The following NUDCD3 variants were observed in gnomAD, a reference collection of about 807,000 sequenced individuals.
The protein encoded by NUDCD3 is NudC domain containing 3.
In NUDCD3, 13 loss-of-function variants were observed where a neutral mutation model predicts 39.7. That is an observed-to-expected ratio of 0.33 (90% CI 0.21 to 0.52). NUDCD3 has a LOEUF of 0.52. Among genes scored for constraint, NUDCD3 ranks in the 20% least tolerant of loss-of-function variants. The pLI is 0.96. For missense variants in NUDCD3, 453 were observed against 458.1 expected (o/e 0.99, Z 0.10); for synonymous variants, 175 against 172.4 (o/e 1.02, Z -0.12).
At chr7:44,442,743 C>T (rs1219252978) in intron 2 of NUDCD3, among the ~76,000 whole-genome samples, 70 of 149,954 alleles carry the variant, frequency 4.7e-4, no homozygotes, top group Admixed American at 4.6e-3. Flanking sequence ...TGGCCCAGGC[C>T]GGACTGCAGT....
intron 1 of NUDCD3, among the ~76,000 whole-genome samples, chr7:44,488,150 C>G (rs561975484): frequency 7.7e-4 from 117 of 151,756 alleles, no homozygotes; most frequent in Non-Finnish European, 8.4e-4. Context: ...GTCTCGCCAA[C>G]ATGATGAAAC....
In NUDCD3 at chr7:44,467,564, T is replaced by G. The variant is rs1377762051; in HGVS notation, c.509+17404A>C. 2.6e-5 allele frequency among the ~76,000 whole-genome samples: 4 copies of G among 151,858 alleles called. 1 individual carries two copies. The highest frequency in any genetic ancestry group is 1.3e-4 in the Admixed American group (2 of 15,252). On this transcript the variant is annotated intron_variant, in intron 2 of 5. Transcript: ENST00000355451. ...TGGAGCTCTTTGATCAAGGGGCAGG[T>G]CAGAGATCAAGGTCCCCATTGAGGC...
intron 2 of NUDCD3, chr7:44,467,996 A>T (rs779065964): frequency 8.7e-6 from 14 of 1,612,682 alleles, no homozygotes; most frequent in Non-Finnish European, 1.1e-5. Flanking sequence ...AATTAAGCGT[A>T]ACTGGCGGAA....
At chr7:44,429,782 T>C (rs1206174020) in intron 2 of NUDCD3, among the ~76,000 whole-genome samples, 2 of 152,008 alleles carry the variant, frequency 1.3e-5, no homozygotes, top group African/African-American at 2.4e-5. Flanking sequence ...AGGAGTTACA[T>C]AGGATTCCTG....
At chr7:44,428,828 G>A (rs1490305210) in intron 2 of NUDCD3, among the ~76,000 whole-genome samples, 1 of 152,212 alleles carries the variant, frequency 6.6e-6, no homozygotes, top group East Asian at 1.9e-4. Context: ...CCTAGTCATG[G>A]AGAAGGCAGC....
intron 2 of NUDCD3, among the ~76,000 whole-genome samples, chr7:44,449,629 A>G (rs554763408): frequency 7.0e-4 from 107 of 152,348 alleles, no homozygotes; most frequent in Non-Finnish European, 1.4e-3. Flanking sequence ...AAAGTATAGT[A>G]CTTTCAACAA....
chr7:44,476,404 T>C (rs924673656), intron 2 of NUDCD3, among the ~76,000 whole-genome samples: 1 of 152,122 alleles, frequency 6.6e-6, no homozygotes, highest in African/African-American at 2.4e-5. Context: ...GACGATTAGG[T>C]CATAAGGGCA....
chr7:44,462,464 T>G (rs1800033661), intron 2 of NUDCD3, among the ~76,000 whole-genome samples: 1 of 152,228 alleles, frequency 6.6e-6, no homozygotes, highest in African/African-American at 2.4e-5. Context: ...CAGAAAATGT[T>G]CCTAAATAGG....
At chr7:44,408,589 G>A (rs1798869998) in intron 3 of NUDCD3, among the ~76,000 whole-genome samples, 1 of 152,166 alleles carries the variant, frequency 6.6e-6, no homozygotes, top group African/African-American at 2.4e-5. Context: ...GGTTACTACA[G>A]GCCTCCAAAA....
intron 2 of NUDCD3, among the ~76,000 whole-genome samples, chr7:44,447,176 C>T (rs1215435035): frequency 6.6e-6 from 1 of 152,216 alleles, no homozygotes; most frequent in Non-Finnish European, 1.5e-5. Flanking sequence ...TTATTGAAGT[C>T]CCATCTCAGC....
chr7:44,488,724 T>C (rs1800669702), intron 1 of NUDCD3, among the ~76,000 whole-genome samples: 1 of 152,190 alleles, frequency 6.6e-6, no homozygotes, highest in Non-Finnish European at 1.5e-5. Context: ...CCTTGGATCA[T>C]CTTTGACCCA....
At chr7:44,438,438 T>C (rs1411310233) in intron 2 of NUDCD3, among the ~76,000 whole-genome samples, 4 of 152,188 alleles carry the variant, frequency 2.6e-5, no homozygotes, top group Admixed American at 2.6e-4. Flanking sequence ...TTTTCAGAAG[T>C]AGAGAAAACT....
chr7:44,490,485 T>C lies in NUDCD3; in HGVS notation c.116A>G (p.Asp39Gly), dbSNP rs759547552. The C allele has an allele frequency of 2.5e-6, 4 of 1,607,348 alleles. No individual in the cohort carries two copies. The highest frequency in any genetic ancestry group is 2.5e-6 in the Non-Finnish European group (3 of 1,177,638). ...VLFGFLYRKTDFYRLLRHPSD... is the reference protein window; with the variant it reads ...VLFGFLYRKTGFYRLLRHPSD... ...TGGGTGGCGCAGCAAGCGATAGAAG[T>C]CTGTCTTGCGGTAGAGGAAGCCAAA... Residue 39 changes from aspartate (D) to glycine (G), a missense_variant, in exon 1 of 6, where the codon GAC becomes GGC. By Grantham distance (94) the Asp-to-Gly change is moderately conservative. Transcript: ENST00000355451.
At chr7:44,389,506 G>A (rs888561157) in intron 5 of NUDCD3, among the ~76,000 whole-genome samples, 23 of 152,198 alleles carry the variant, frequency 1.5e-4, no homozygotes, top group South Asian at 2.1e-4. Context: ...GTGAAACCCC[G>A]TCTCTACTAA....
At chr7:44,459,111 T>G (rs1018568411) in intron 2 of NUDCD3, among the ~76,000 whole-genome samples, 1 of 152,206 alleles carries the variant, frequency 6.6e-6, no homozygotes, top group Non-Finnish European at 1.5e-5. Flanking sequence ...TGTGTTGTTT[T>G]GGGAGTATTA....
chr7:44,490,596 T>C lies in NUDCD3; in HGVS notation c.5A>G (p.Glu2Gly). ...GTCATACAGCTCGGCCGCCCCTGTC[T>C]CCATGTCGCCTCCCGCCCTAGGTAC... M[E>G]TGAAELYDQA... is the part of the protein sequence containing the mutation. The change falls in exon 1 of 6, where the codon GAG becomes GGG. Residue 2 changes from glutamate (E) to glycine (G), a missense_variant. By Grantham distance (98) the Glu-to-Gly change is moderately conservative. Transcript: ENST00000355451. The C allele has an allele frequency of 6.2e-7, 1 of 1,605,522 alleles. No individual in the cohort carries two copies. Among genetic ancestry groups the C allele is most frequent in the Non-Finnish European group, 8.5e-7 (1 of 1,176,178 alleles).
chr7:44,397,564 T>C (rs933752039), intron 4 of NUDCD3, among the ~76,000 whole-genome samples: 3 of 152,184 alleles, frequency 2.0e-5, no homozygotes, highest in African/African-American at 7.2e-5. Context: ...TAATGAATCA[T>C]GACGTTAAGC....
chr7:44,468,439 C>G (rs1369475281), intron 2 of NUDCD3: 19 of 677,124 alleles, frequency 2.8e-5, no homozygotes, highest in Non-Finnish European at 4.9e-6. Context: ...TTATCAGTGT[C>G]AGAGCTAGCA....
At chr7:44,388,652 G>C (rs1798449329) in intron 5 of NUDCD3, among the ~76,000 whole-genome samples, 1 of 152,214 alleles carries the variant, frequency 6.6e-6, no homozygotes, top group Non-Finnish European at 1.5e-5. Flanking sequence ...CCATAGCCCT[G>C]AGAGGTCAGT....
Sources: allele counts gnomAD v4.1 joint callset (sites outside exome capture counted in the v4.1 genomes callset), GRCh38; gene constraint gnomAD v4.1.1; transcripts MANE v1.5; gene names NCBI Gene and HGNC (gene_info 2026-07-23, HGNC 2026-07-21).